PRELID3B: variants seen among roughly 807,000 people sequenced by gnomAD.
PRELID3B encodes PRELI domain containing protein 3B.
In PRELID3B, 15 loss-of-function variants were observed where a neutral mutation model predicts 24.0. That is an observed-to-expected ratio of 0.63 (90% CI 0.42 to 0.96). The LOEUF is 0.96. Among genes scored for constraint, PRELID3B ranks in the 40% least tolerant of loss-of-function variants. The pLI is 0.00. For missense variants in PRELID3B, 189 were observed against 236.0 expected (o/e 0.80, Z 1.30); for synonymous variants, 62 against 76.0 (o/e 0.82, Z 0.96).
chr20:59,039,464 G>C (rs1179339571), intron 1 of PRELID3B, among the ~76,000 whole-genome samples: 1 of 152,142 alleles, frequency 6.6e-6, no homozygotes, highest in Admixed American at 6.5e-5. Context: ...CAACTTCTGT[G>C]AATAAGACAC....
At chr20:59,039,543 C>A (rs560061310) in intron 1 of PRELID3B, among the ~76,000 whole-genome samples, 10 of 152,332 alleles carry the variant, frequency 6.6e-5, no homozygotes, top group Middle Eastern at 3.4e-3. Context: ...GTGACTTAGT[C>A]CACCTGCAGT....
At position 59,034,658 on chromosome 20, in the gene PRELID3B, G is replaced by A. The variant is rs2092057109; in HGVS notation, c.*349C>T. On this transcript the variant is annotated 3_prime_UTR_variant, in exon 6 of 6. Coordinates refer to ENST00000355937, the MANE Select transcript of PRELID3B (RefSeq NM_016045.3). ...AGGAGGTGGCTCTGCTCTGTTCTGG[G>A]GTTGGTCCAAAGTCAGGTGGAGTTC... is the stretch of plus-strand genomic sequence containing the variant. 5.3e-6 allele frequency: 1 copy of A among 188,108 alleles called. No individual in the cohort carries two copies. Among genetic ancestry groups the A allele is most frequent in the Non-Finnish European group, 1.1e-5 (1 of 90,076 alleles). The allele number at this position is 188,108 out of a possible 1,614,324, so 11.7% of individuals were successfully genotyped here.
intron 1 of PRELID3B, among the ~76,000 whole-genome samples, chr20:59,042,464 C>G (rs2092117306): frequency 1.3e-5 from 2 of 152,308 alleles, no homozygotes; most frequent in East Asian, 3.9e-4. Flanking sequence ...ACCCCGTAGC[C>G]CTGCCGGTCG....
intron 5 of PRELID3B, among the ~76,000 whole-genome samples, chr20:59,036,190 T>C (rs2092070751): frequency 6.6e-6 from 1 of 152,180 alleles, no homozygotes; most frequent in South Asian, 2.1e-4. Context: ...CCATATGTTA[T>C]CTCATTCACT....
chr20:59,041,940 G>T (rs577301031), intron 1 of PRELID3B, among the ~76,000 whole-genome samples: 1 of 152,326 alleles, frequency 6.6e-6, no homozygotes, highest in South Asian at 2.1e-4. Context: ...CAGGGACCTA[G>T]AAGAGAATAT....
intron 1 of PRELID3B, among the ~76,000 whole-genome samples, chr20:59,039,394 C>G (rs1427938119): frequency 1.3e-5 from 2 of 152,178 alleles, no homozygotes; most frequent in Non-Finnish European, 2.9e-5. Flanking sequence ...TCTTTATTTT[C>G]TTCAAAAAGG....
Position 59,037,297 on chromosome 20 carries a change from G to T in PRELID3B, c.202-17C>A. 1 of 1,574,092 alleles carries T rather than the reference G, an allele frequency of 6.4e-7. No homozygotes were observed. Among genetic ancestry groups the T allele is most frequent in the East Asian group, 2.2e-5 (1 of 44,682 alleles). ...ACCAATAAGCTAAGTAAAACATTCA[G>T]AACTAGGAATCAGAGGAGGAAGAAT... On this transcript the variant is annotated splice_polypyrimidine_tract_variant and intron_variant, in intron 2 of 5. Transcript: ENST00000355937.
At chr20:59,039,632 GT>G (rs2092097736) in intron 1 of PRELID3B, among the ~76,000 whole-genome samples, 1 of 152,170 alleles carries the variant, frequency 6.6e-6, no homozygotes, top group African/African-American at 2.4e-5. Flanking sequence ...TGGGGATGAT[GT>G]TCAAGCCACA....
intron 5 of PRELID3B, 59 bp downstream of exon 5, chr20:59,036,412 C>G (rs963201762): frequency 4.6e-6 from 6 of 1,310,736 alleles, no homozygotes; most frequent in Non-Finnish European, 6.6e-6. Flanking sequence ...CAGTCAGCAC[C>G]CCATTCCATT....
At chr20:59,035,149 T>C (rs1342734143) in intron 5 of PRELID3B, 23 bp from the exon 6 acceptor site, 1 of 1,596,138 alleles carries the variant, frequency 6.3e-7, no homozygotes, top group East Asian at 2.2e-5. Flanking sequence ...CCAATACATT[T>C]ATTGTTACTG....
chr20:59,036,867 A>T (rs966076108), intron 3 of PRELID3B, 107 bp from the exon 4 acceptor site: 1 of 731,600 alleles, frequency 1.4e-6, no homozygotes, highest in Non-Finnish European at 2.2e-6. Context: ...CATACAAAAC[A>T]ACAAATAAAC....
intron 5 of PRELID3B, among the ~76,000 whole-genome samples, chr20:59,036,191 C>T (rs751892032): frequency 3.9e-5 from 6 of 152,182 alleles, no homozygotes; most frequent in Non-Finnish European, 7.4e-5. Flanking sequence ...CATATGTTAT[C>T]TCATTCACTC....
chr20:59,037,004 G>C (rs1383380388), intron 3 of PRELID3B, among the ~76,000 whole-genome samples, 187 bp downstream of exon 3: 1 of 152,134 alleles, frequency 6.6e-6, no homozygotes, highest in African/African-American at 2.4e-5. Context: ...TATCCCCTTA[G>C]AGATAGGCAA....
chr20:59,038,676 A>C (rs1601252691), intron 1 of PRELID3B, 42 bp from the exon 2 acceptor site: 3 of 1,520,696 alleles, frequency 2.0e-6, no homozygotes, highest in Non-Finnish European at 2.6e-6. Context: ...AAATTCAGAC[A>C]TTTAAAATTA....
At chr20:59,042,372 G>T (rs1471573963) in intron 1 of PRELID3B, among the ~76,000 whole-genome samples, 1 of 152,250 alleles carries the variant, frequency 6.6e-6, no homozygotes, top group East Asian at 1.9e-4. Flanking sequence ...GCTGTCAAGG[G>T]CTTCGTGCTC....
At position 59,036,773 on chromosome 20, in the gene PRELID3B, G is replaced by C; in HGVS notation, c.292-13C>G. On this transcript the variant is annotated splice_polypyrimidine_tract_variant and intron_variant, in intron 3 of 5. Coordinates refer to ENST00000355937, the MANE Select transcript of PRELID3B (RefSeq NM_016045.3). The stretch of plus-strand genomic sequence containing the variant: ...TTGTAAATGAAATCTACAGAATGAA[G>C]AAAAAAAAAAAAGATCAAATCATTT... The C allele has an allele frequency of 9.0e-7, 1 of 1,109,602 alleles. No homozygotes were observed. The highest frequency in any genetic ancestry group is 1.2e-6 in the Non-Finnish European group (1 of 820,108). 68.7% of individuals were successfully genotyped at this position (1,109,602 alleles called of 1,614,324 possible).
rs2092053545 is a variant in PRELID3B at position 59,034,145 on chromosome 20, C to G, written c.*862G>C. 6.6e-6 allele frequency: 1 copy of G among 152,194 alleles called. No individual in the cohort carries two copies. The highest frequency in any genetic ancestry group is 2.1e-4 in the South Asian group (1 of 4,836). The allele number at this position is 152,194 out of a possible 1,614,324, so 9.4% of individuals were successfully genotyped here. A position where few individuals can be genotyped will look rare whatever the true frequency, so the allele number is the denominator to read the frequency against. On this transcript the variant is annotated 3_prime_UTR_variant, in exon 6 of 6. Coordinates refer to ENST00000355937, the MANE Select transcript of PRELID3B (RefSeq NM_016045.3). The stretch of plus-strand genomic sequence containing the variant: ...CAAAAAGTAATTATATTCAAATAAC[C>G]TGACATATCATGCCTTAGCAATTAC...
In PRELID3B at chr20:59,034,058, G is replaced by A. The variant is rs2092052949; in HGVS notation, c.*949C>T. ...TGCCTCAGAGCAAGACATCATTTGA[G>A]TAATTTCAAATGATACACAGCTCCT... On this transcript the variant is annotated 3_prime_UTR_variant, in exon 6 of 6. Coordinates refer to ENST00000355937, the MANE Select transcript of PRELID3B (RefSeq NM_016045.3). 1.3e-5 allele frequency: 2 copies of A among 152,110 alleles called. No homozygotes were observed. The highest frequency in any genetic ancestry group is 2.1e-4 in the South Asian group (1 of 4,830). 9.4% of individuals were successfully genotyped at this position (152,110 alleles called of 1,614,324 possible).
intron 5 of PRELID3B, 63 bp downstream of exon 5, chr20:59,036,408 G>T: frequency 7.9e-7 from 1 of 1,259,798 alleles, no homozygotes. Context: ...CATGCAGTCA[G>T]CACCCCATTC....
Sources: gnomAD v4.1 joint callset for allele counts (sites outside exome capture counted in the v4.1 genomes callset) on GRCh38, gnomAD v4.1.1 for gene constraint, MANE v1.5 for transcripts, NCBI Gene and HGNC (gene_info 2026-07-23, HGNC 2026-07-21) for gene names.